Variants in ZBTB20 observed in about 807,000 individuals in gnomAD.
ZBTB20 encodes the protein zinc finger and BTB domain containing 20, also known as zinc finger and BTB domain-containing protein 20.
Under a neutral mutation model 56.9 loss-of-function variants are expected in ZBTB20, and 9 were observed. That is an observed-to-expected ratio of 0.16 (90% CI 0.10 to 0.28). ZBTB20 has a LOEUF of 0.28. Among genes scored for constraint, ZBTB20 ranks in the 10% least tolerant of loss-of-function variants. The pLI, the probability that ZBTB20 is intolerant of heterozygous loss-of-function variation, is 1.00. For missense variants in ZBTB20, 655 were observed against 1,003.0 expected (o/e 0.65, Z 4.69); for synonymous variants, 417 against 420.7 (o/e 0.99, Z 0.11).
chr3:114,604,851 T>C (rs951996430), intron 6 of ZBTB20, among the ~76,000 whole-genome samples: 2 of 152,126 alleles, frequency 1.3e-5, no homozygotes, highest in African/African-American at 4.8e-5. Flanking sequence ...TGTGAACTAG[T>C]TGGGATGAAT....
intron 5 of ZBTB20, among the ~76,000 whole-genome samples, chr3:114,764,829 C>T (rs2068677393): frequency 6.6e-6 from 1 of 151,838 alleles, no homozygotes. Flanking sequence ...AGTCAAAAAC[C>T]CAGAAGAGGG....
chr3:114,351,960 A>G lies in ZBTB20; in HGVS notation c.200-82T>C, dbSNP rs576781255. ...ATTCCTAACACCTAGGTTTCAGGTGAGTAATGCTCATGGCTCCTAGAAGCA... is the reference window on the plus strand; with the variant it reads ...ATTCCTAACACCTAGGTTTCAGGTGGGTAATGCTCATGGCTCCTAGAAGCA... On this transcript the variant is annotated intron_variant, in intron 10 of 11. Transcript: ENST00000675478. The G allele has an allele frequency of 4.6e-6, 7 of 1,512,598 alleles. No homozygotes were observed. In the East Asian group the frequency reaches 1.6e-4, roughly 35 times the overall value. The allele number at this position is 1,512,598 out of a possible 1,614,324, so 93.7% of individuals were successfully genotyped here.
At chr3:114,482,121 G>C (rs186405302) in intron 7 of ZBTB20, among the ~76,000 whole-genome samples, 1 of 152,296 alleles carries the variant, frequency 6.6e-6, no homozygotes, top group African/African-American at 2.4e-5. Flanking sequence ...TAACCTCACA[G>C]GGTCACCATG....
intron 10 of ZBTB20, among the ~76,000 whole-genome samples, chr3:114,371,221 T>G (rs1292438853): frequency 6.6e-6 from 1 of 152,194 alleles, no homozygotes; most frequent in Non-Finnish European, 1.5e-5. Context: ...CCATGTCTAA[T>G]AAACCTACCT....
At chr3:114,395,929 T>TA (rs1216300941) in intron 7 of ZBTB20, among the ~76,000 whole-genome samples, 1 of 152,144 alleles carries the variant, frequency 6.6e-6, no homozygotes, top group Non-Finnish European at 1.5e-5. Context: ...TCCCATGCCA[T>TA]GAGCGTTAGC....
chr3:114,611,356 A>C (rs926599016), intron 6 of ZBTB20, among the ~76,000 whole-genome samples: 2 of 152,204 alleles, frequency 1.3e-5, no homozygotes, highest in Admixed American at 1.3e-4. Context: ...AGAGTCTTGC[A>C]TATCAGAAAC....
intron 1 of ZBTB20, among the ~76,000 whole-genome samples, chr3:115,105,255 T>C (rs911298627): frequency 2.0e-5 from 3 of 150,860 alleles, no homozygotes; most frequent in Non-Finnish European, 2.9e-5. Flanking sequence ...AAGTACTTTT[T>C]ATTTCTTAAC....
chr3:115,135,573 C>A (rs2084631232), intron 1 of ZBTB20, among the ~76,000 whole-genome samples: 1 of 152,130 alleles, frequency 6.6e-6, no homozygotes, highest in Non-Finnish European at 1.5e-5. Flanking sequence ...AACTTCAAAT[C>A]AATTTGCTGT....
chr3:114,813,151 G>A (rs2072678810), intron 4 of ZBTB20, among the ~76,000 whole-genome samples: 1 of 152,258 alleles, frequency 6.6e-6, no homozygotes, highest in African/African-American at 2.4e-5. Context: ...CAAAGTGGGA[G>A]CCCAGGCAGA....
intron 6 of ZBTB20, among the ~76,000 whole-genome samples, chr3:114,505,786 T>G (rs901024596): frequency 5.3e-5 from 8 of 152,138 alleles, no homozygotes; most frequent in African/African-American, 1.9e-4. Flanking sequence ...GAGGCACTAT[T>G]AGATTTTTAG....
intron 1 of ZBTB20, among the ~76,000 whole-genome samples, chr3:115,107,726 G>A (rs927125360): frequency 2.0e-5 from 3 of 152,124 alleles, no homozygotes; most frequent in Admixed American, 1.3e-4. Context: ...TACAATAGCA[G>A]ACATGGAACC....
At chr3:114,942,604 C>A (rs2076756859) in intron 3 of ZBTB20, among the ~76,000 whole-genome samples, 1 of 145,292 alleles carries the variant, frequency 6.9e-6, no homozygotes, top group African/African-American at 2.8e-5. Context: ...TCAAATCACC[C>A]CCTCGTTGAG....
At chr3:114,906,591 T>C (rs982818646) in intron 3 of ZBTB20, among the ~76,000 whole-genome samples, 2 of 150,936 alleles carry the variant, frequency 1.3e-5, no homozygotes, top group African/African-American at 4.8e-5. Context: ...TATATAAAAT[T>C]TTATGTTTTT....
At chr3:114,908,383 C>T (rs1285965019) in intron 3 of ZBTB20, among the ~76,000 whole-genome samples, 2 of 152,008 alleles carry the variant, frequency 1.3e-5, no homozygotes, top group African/African-American at 4.8e-5. Flanking sequence ...TACCACAACC[C>T]TCCCAGGGGA....
chr3:114,469,259 T>G (rs1233010909), intron 7 of ZBTB20, among the ~76,000 whole-genome samples: 2 of 152,084 alleles, frequency 1.3e-5, no homozygotes, highest in Non-Finnish European at 2.9e-5. Context: ...ACTTCAAGTT[T>G]TCCTAGTCAC....
At chr3:115,129,712 T>C (rs575465372) in intron 1 of ZBTB20, among the ~76,000 whole-genome samples, 31 of 152,318 alleles carry the variant, frequency 2.0e-4, no homozygotes, top group Middle Eastern at 3.4e-3. Context: ...TACGTCAAGA[T>C]GTGACAAAGG....
At chr3:114,553,159 C>T (rs1313462922) in intron 6 of ZBTB20, among the ~76,000 whole-genome samples, 1 of 152,070 alleles carries the variant, frequency 6.6e-6, no homozygotes, top group African/African-American at 2.4e-5. Flanking sequence ...ATAAGACTTC[C>T]ACAGCAATTG....
chr3:114,476,363 G>C (rs1483233625), intron 7 of ZBTB20, among the ~76,000 whole-genome samples: 1 of 152,192 alleles, frequency 6.6e-6, no homozygotes, highest in Non-Finnish European at 1.5e-5. Flanking sequence ...TTTTGTATAT[G>C]TTTGAAATAT....
chr3:115,107,739 C>A (rs937174291), intron 1 of ZBTB20, among the ~76,000 whole-genome samples: 3 of 152,106 alleles, frequency 2.0e-5, no homozygotes, highest in Admixed American at 2.0e-4. Flanking sequence ...ATGGAACCAA[C>A]CAAAATGCCC....
Sources: gnomAD v4.1 joint callset for allele counts (sites outside exome capture counted in the v4.1 genomes callset) on GRCh38, gnomAD v4.1.1 for gene constraint, MANE v1.5 for transcripts, NCBI Gene and HGNC (gene_info 2026-07-23, HGNC 2026-07-21) for gene names.